ZDHHC14: variants seen among roughly 807,000 people sequenced by gnomAD.
ZDHHC14 encodes palmitoyltransferase ZDHHC14.
A neutral mutation model predicts 47.7 loss-of-function variants in ZDHHC14; 16 were observed. The ratio of observed to expected loss-of-function variants is 0.34; its 90% confidence interval spans 0.23 to 0.51. The LOEUF (loss-of-function observed/expected upper bound fraction) is 0.51, where lower values mean the gene tolerates loss of function less well. ZDHHC14 is among the 20% of genes least tolerant of loss of function. The pLI is 0.97. For synonymous variants in ZDHHC14, 293 were observed against 278.9 expected, an observed-to-expected ratio of 1.05 and a Z score of -0.50; for missense variants, 515 against 662.5, an observed-to-expected ratio of 0.78 and a Z score of 2.44.
At chr6:157,450,818 A>G (rs1436295036) in intron 1 of ZDHHC14, among the ~76,000 whole-genome samples, 3 of 152,222 alleles carry the variant, frequency 2.0e-5, no homozygotes, top group African/African-American at 7.2e-5. Flanking sequence ...CATAAATATT[A>G]TCTATGAAAT....
intron 1 of ZDHHC14, among the ~76,000 whole-genome samples, chr6:157,390,067 CATTTCTT>C (rs1212204804): frequency 6.6e-6 from 1 of 152,036 alleles, no homozygotes; most frequent in Non-Finnish European, 1.5e-5. Context: ...TTATTATCAG[CATTTCTT>C]ATATGCAAGT....
chr6:157,665,324 C>G (rs759297387), intron 8 of ZDHHC14, among the ~76,000 whole-genome samples: 3 of 152,210 alleles, frequency 2.0e-5, no homozygotes, highest in Non-Finnish European at 2.9e-5. Context: ...TTGCTACCCA[C>G]TCTACCAACA....
At chr6:157,625,821 T>C (rs1355511150) in intron 3 of ZDHHC14, among the ~76,000 whole-genome samples, 1 of 151,796 alleles carries the variant, frequency 6.6e-6, no homozygotes, top group Non-Finnish European at 1.5e-5. Context: ...ATCCCAGAAA[T>C]AGTTTGCCAG....
At chr6:157,553,429 C>T (rs1411314002) in intron 2 of ZDHHC14, among the ~76,000 whole-genome samples, 1 of 152,138 alleles carries the variant, frequency 6.6e-6, no homozygotes, top group Non-Finnish European at 1.5e-5. Flanking sequence ...TCACGGATGC[C>T]TTCAGGTCAT....
chr6:157,585,387 CCAACAACCAAA>C (rs1289356318), intron 2 of ZDHHC14, among the ~76,000 whole-genome samples: 2 of 148,590 alleles, frequency 1.3e-5, no homozygotes, highest in Admixed American at 1.4e-4. Context: ...ACAACTGTTA[CCAACAACCAAA>C]GGAAACCAAA....
chr6:157,491,731 G>A (rs758396253), intron 1 of ZDHHC14, among the ~76,000 whole-genome samples: 4 of 152,152 alleles, frequency 2.6e-5, no homozygotes, highest in Non-Finnish European at 4.4e-5. Flanking sequence ...CTAACAGGAC[G>A]CCTTATTGAC....
intron 3 of ZDHHC14, among the ~76,000 whole-genome samples, chr6:157,594,377 C>A (rs35738085): frequency 0.064 from 9,741 of 152,224 alleles, 356 homozygotes; most frequent in African/African-American, 0.089. Flanking sequence ...TAGGAAGTAG[C>A]TGATGGTTAA....
At chr6:157,565,324 G>T (rs1263310437) in intron 2 of ZDHHC14, among the ~76,000 whole-genome samples, 1 of 152,160 alleles carries the variant, frequency 6.6e-6, no homozygotes, top group East Asian at 1.9e-4. Context: ...GTAATTAATG[G>T]TGGACTGGAT....
At chr6:157,583,763 C>G (rs920689108) in intron 2 of ZDHHC14, among the ~76,000 whole-genome samples, 1 of 152,120 alleles carries the variant, frequency 6.6e-6, no homozygotes, top group African/African-American at 2.4e-5. Flanking sequence ...CACTGCAGCT[C>G]TGGGGTAAGC....
At chr6:157,656,965 TGC>T (rs1259057607) in intron 8 of ZDHHC14, among the ~76,000 whole-genome samples, 1 of 152,126 alleles carries the variant, frequency 6.6e-6, no homozygotes, top group Non-Finnish European at 1.5e-5. Context: ...AGGGTGACAG[TGC>T]ACTCTCTGCC....
At position 157,582,533 on chromosome 6, in the gene ZDHHC14, T is replaced by A. The variant is rs1263132643; in HGVS notation, c.407-10455T>A. ...ATGAAATTCTTGGTTGGAAATTCTT[T>A]TCTTTAAGAATGCTGAATATAGCCT... On this transcript the variant is annotated intron_variant, in intron 2 of 8. Coordinates refer to ENST00000359775, the MANE Select transcript of ZDHHC14 (RefSeq NM_024630.3). This position sits in a 1 kb window ranked among gnomAD's most constrained non-coding sequence, Gnocchi z 4.3. 1.3e-5 allele frequency among the ~76,000 whole-genome samples: 2 copies of A among 152,242 alleles called. No individual in the cohort carries two copies. Among genetic ancestry groups the A allele is most frequent in the African/African-American group, 4.8e-5 (2 of 41,466 alleles).
At chr6:157,445,164 TATCATC>T (rs113595524) in intron 1 of ZDHHC14, among the ~76,000 whole-genome samples, 17 of 142,646 alleles carry the variant, frequency 1.2e-4, no homozygotes, top group Admixed American at 4.1e-4. Context: ...TCTATCTATC[TATCATC>T]ATCATCATCA....
intron 3 of ZDHHC14, among the ~76,000 whole-genome samples, chr6:157,603,696 G>A (rs79890659): frequency 0.028 from 4,228 of 152,246 alleles, 72 homozygotes; most frequent in East Asian, 0.039. Context: ...GCAGCTCTGC[G>A]GATTAGGCAA....
chr6:157,395,244 G>A (rs1043153991), intron 1 of ZDHHC14, among the ~76,000 whole-genome samples: 22 of 151,262 alleles, frequency 1.5e-4, no homozygotes, highest in African/African-American at 4.4e-4. Flanking sequence ...TACCACAGCC[G>A]TGACCTGCTG....
At chr6:157,408,162 C>T (rs1347385888) in intron 1 of ZDHHC14, among the ~76,000 whole-genome samples, 1 of 152,206 alleles carries the variant, frequency 6.6e-6, no homozygotes, top group Non-Finnish European at 1.5e-5. Context: ...ATAATAGAAA[C>T]CGCCCAAATA....
intron 2 of ZDHHC14, among the ~76,000 whole-genome samples, chr6:157,568,747 A>C (rs993611950): frequency 1.3e-5 from 2 of 152,168 alleles, no homozygotes; most frequent in East Asian, 3.8e-4. Flanking sequence ...TCTTCACCAA[A>C]AGTATATGAG....
At chr6:157,601,316 T>C (rs1020087135) in intron 3 of ZDHHC14, among the ~76,000 whole-genome samples, 2 of 152,334 alleles carry the variant, frequency 1.3e-5, no homozygotes, top group South Asian at 4.1e-4. Context: ...GTATCATTAC[T>C]AATATTTTAC....
intron 1 of ZDHHC14, among the ~76,000 whole-genome samples, chr6:157,386,767 G>A (rs750081125): frequency 6.6e-6 from 1 of 152,150 alleles, no homozygotes; most frequent in Admixed American, 6.5e-5. Context: ...ATGCGATGTC[G>A]TCATTCTCAC....
chr6:157,607,372 G>A (rs900548094), intron 3 of ZDHHC14, among the ~76,000 whole-genome samples: 15 of 152,214 alleles, frequency 9.9e-5, no homozygotes, highest in African/African-American at 2.2e-4. Context: ...CAAGAATGCC[G>A]CATTTAAAGG....
Sources: gnomAD v4.1 joint callset for allele counts (sites outside exome capture counted in the v4.1 genomes callset) on GRCh38, gnomAD v4.1.1 for gene constraint, Gnocchi (gnomAD v3.1) non-coding constraint, MANE v1.5 for transcripts, NCBI Gene and HGNC (gene_info 2026-07-23, HGNC 2026-07-21) for gene names.